ZFAT: variants seen among roughly 807,000 people sequenced by gnomAD.
ZFAT encodes the protein zinc finger protein ZFAT.
In ZFAT, 64 loss-of-function variants were observed where a neutral mutation model predicts 117.7. That is an observed-to-expected ratio of 0.54 (90% CI 0.44 to 0.67). The LOEUF (loss-of-function observed/expected upper bound fraction) is 0.67, where lower values mean the gene tolerates loss of function less well. Among genes scored for constraint, ZFAT ranks in the 30% least tolerant of loss-of-function variants. The pLI is 0.00. For synonymous variants in ZFAT, 679 were observed against 615.0 expected (o/e 1.10, Z -1.54); for missense variants, 1,433 against 1,584.5 (o/e 0.90, Z 1.62).
chr8:134,712,816 G>GGGGAAC, intron 1 of ZFAT, 29 bp downstream of exon 1: 1 of 400,210 alleles, frequency 2.5e-6, no homozygotes, highest in Non-Finnish European at 3.7e-6. Flanking sequence ...CCCCCACCCC[G>GGGGAAC]TCTCACCCCA....
At chr8:134,640,684 T>C (rs1830531097) in intron 2 of ZFAT, among the ~76,000 whole-genome samples, 1 of 152,158 alleles carries the variant, frequency 6.6e-6, no homozygotes, top group South Asian at 2.1e-4. Flanking sequence ...CCTGAAAGCT[T>C]TGGAAAACCT....
chr8:134,634,852 T>C (rs1191319990), intron 3 of ZFAT, among the ~76,000 whole-genome samples: 2 of 152,172 alleles, frequency 1.3e-5, no homozygotes, highest in Admixed American at 1.3e-4. Flanking sequence ...TCCCCAACTT[T>C]TTTGGCACCA....
intron 1 of ZFAT, among the ~76,000 whole-genome samples, chr8:134,688,042 C>A (rs1833412764): frequency 1.3e-5 from 2 of 152,106 alleles, no homozygotes; most frequent in African/African-American, 2.4e-5. Flanking sequence ...TCTGTAGGGA[C>A]TCAGCTCAAA....
intron 3 of ZFAT, among the ~76,000 whole-genome samples, chr8:134,626,743 C>G (rs917363548): frequency 1.3e-5 from 2 of 152,268 alleles, no homozygotes; most frequent in African/African-American, 4.8e-5. Context: ...GCTGGAGCTC[C>G]CCATGGGCTC....
At position 134,514,524 on chromosome 8, in the gene ZFAT, G is replaced by A. The variant is rs1270027044; in HGVS notation, c.3235-1923C>T. Among the ~76,000 whole-genome samples the A allele has an allele frequency of 2.0e-5, 3 of 152,034 alleles. No individual in the cohort carries two copies. In the East Asian group the frequency reaches 5.8e-4, roughly 29 times the overall value. On this transcript the variant is annotated intron_variant, in intron 13 of 15. Coordinates refer to ENST00000377838, the MANE Select transcript of ZFAT (RefSeq NM_020863.4). ...TGAGGGCCTCCAGGGGCTCATTCAG[G>A]CCTCAGCATTTTACAAATGGTTTCT...
intron 10 of ZFAT, 90 bp downstream of exon 10, chr8:134,583,742 C>T: frequency 1.3e-6 from 2 of 1,487,064 alleles, no homozygotes; most frequent in Non-Finnish European, 1.8e-6. Context: ...CTCTTTCCTG[C>T]CTCTGGTACA....
the ZFAT span, chr8:134,795,617 A>G: frequency 6.6e-6 from 1 of 152,196 alleles, no homozygotes; most frequent in Admixed American, 6.5e-5. Context: ...ATGGTTTGTA[A>G]ATGATTCCCT....
chr8:134,777,882 T>C, the ZFAT span, among the ~76,000 whole-genome samples: 1 of 152,188 alleles, frequency 6.6e-6, no homozygotes, highest in South Asian at 2.1e-4. Context: ...ATATATTTAG[T>C]GCAGCTTCCA....
At chr8:134,639,791 T>C in intron 2 of ZFAT, 1 of 456,296 alleles carries the variant, frequency 2.2e-6, no homozygotes, top group South Asian at 1.5e-5. Flanking sequence ...TCATGTCAGC[T>C]GAGTTCCAGA....
chr8:134,485,651 A>G (rs1817610290), intron 15 of ZFAT, among the ~76,000 whole-genome samples: 1 of 151,662 alleles, frequency 6.6e-6, no homozygotes, highest in Non-Finnish European at 1.5e-5. Context: ...CTGAAACCCA[A>G]CTCCCTAACA....
chr8:134,539,690 T>C (rs527696504), intron 11 of ZFAT, among the ~76,000 whole-genome samples: 2 of 152,324 alleles, frequency 1.3e-5, no homozygotes, highest in East Asian at 3.9e-4. Context: ...ATGACCTACA[T>C]GAAGTGGACT....
chr8:134,812,730 T>C, the ZFAT span, among the ~76,000 whole-genome samples: 1 of 152,196 alleles, frequency 6.6e-6, no homozygotes, highest in African/African-American at 2.4e-5. Context: ...AGCAAGACTC[T>C]GTCTCAATCA....
At chr8:134,693,417 C>G (rs1833678850) in intron 1 of ZFAT, among the ~76,000 whole-genome samples, 1 of 152,080 alleles carries the variant, frequency 6.6e-6, no homozygotes, top group African/African-American at 2.4e-5. Context: ...AATAAGCATT[C>G]CTGAGTCTAC....
chr8:134,494,179 C>T (rs1344467726), intron 15 of ZFAT, among the ~76,000 whole-genome samples: 4 of 152,196 alleles, frequency 2.6e-5, no homozygotes, highest in Non-Finnish European at 5.9e-5. Context: ...CCTGGTGATC[C>T]CTGCACAGCT....
chr8:134,588,879 C>T (rs1826253684), intron 8 of ZFAT, among the ~76,000 whole-genome samples: 1 of 152,188 alleles, frequency 6.6e-6, no homozygotes, highest in South Asian at 2.1e-4. Flanking sequence ...ACAGTTGATC[C>T]TATTTGCTTT....
At chr8:134,482,874 C>T (rs1056924643) in intron 15 of ZFAT, among the ~76,000 whole-genome samples, 16 of 152,236 alleles carry the variant, frequency 1.1e-4, no homozygotes, top group Admixed American at 8.5e-4. Context: ...GTCCAAGACA[C>T]GCAGGGTTCC....
the ZFAT span, among the ~76,000 whole-genome samples, chr8:134,720,508 A>AG: frequency 6.6e-5 from 10 of 152,212 alleles, no homozygotes; most frequent in Non-Finnish European, 1.3e-4. Flanking sequence ...AGTTTACTGA[A>AG]GAAAAAAAGA....
intron 12 of ZFAT, among the ~76,000 whole-genome samples, chr8:134,531,763 G>T (rs1417568288): frequency 6.6e-6 from 1 of 152,226 alleles, no homozygotes; most frequent in Non-Finnish European, 1.5e-5. Flanking sequence ...AGTTTTCTGT[G>T]CTGCTCATCT....
intron 15 of ZFAT, among the ~76,000 whole-genome samples, chr8:134,494,996 T>G (rs532620595): frequency 6.6e-6 from 1 of 152,246 alleles, no homozygotes; most frequent in East Asian, 1.9e-4. Flanking sequence ...AGTAGGAAGA[T>G]CTACTTAATT....
Sources: gnomAD v4.1 joint callset for allele counts (sites outside exome capture counted in the v4.1 genomes callset) on GRCh38, gnomAD v4.1.1 for gene constraint, MANE v1.5 for transcripts, NCBI Gene and HGNC (gene_info 2026-07-23, HGNC 2026-07-21) for gene names.